The following IGF1R variants were observed in gnomAD, a reference collection of about 807,000 sequenced individuals.
The protein encoded by IGF1R is insulin like growth factor 1 receptor.
IGF1R carries 44 observed loss-of-function variants against 144.6 expected under a neutral mutation model. That is an observed-to-expected ratio of 0.30 (90% confidence interval 0.24 to 0.39). The LOEUF (loss-of-function observed/expected upper bound fraction) is 0.39, where lower values mean the gene tolerates loss of function less well. IGF1R is among the 10% of genes least tolerant of loss of function. The pLI is 1.00. For missense variants in IGF1R, 1,355 were observed against 1,833.7 expected, an observed-to-expected ratio of 0.74 and a Z score of 4.77; for synonymous variants, 795 against 722.8, an observed-to-expected ratio of 1.10 and a Z score of -1.60.
At position 98,913,170 on chromosome 15, in the gene IGF1R, G is replaced by A. The variant is rs1405874779; in HGVS notation, c.1716G>A (p.Lys572=). 4 of 1,614,106 alleles carry A rather than the reference G, an allele frequency of 2.5e-6. No individual in the cohort carries two copies. Among genetic ancestry groups the A allele is most frequent in the Non-Finnish European group, 3.4e-6 (4 of 1,180,050 alleles). Residue 572 remains lysine, a synonymous_variant, in exon 8 of 21, where the codon AAG becomes AAA. Transcript: ENST00000650285. ...CCGGCATCTTACTACATGGGCTGAA[G>A]CCCTGGACTCAGTACGCCGTTTACG... The part of the protein sequence containing the change: ...VEPGILLHGL[K]PWTQYAVYVK...
intron 2 of IGF1R, among the ~76,000 whole-genome samples, chr15:98,836,140 A>G (rs146922391): frequency 6.2e-4 from 95 of 152,160 alleles, no homozygotes; most frequent in African/African-American, 2.2e-3. Context: ...GCAACTTTGT[A>G]GTGAGGATGA....
chr15:98,832,017 T>G, intron 2 of IGF1R, among the ~76,000 whole-genome samples: 1 of 152,072 alleles, frequency 6.6e-6, no homozygotes, highest in East Asian at 1.9e-4. Flanking sequence ...TGAGGCTGCT[T>G]CAGCATGTCA....
intron 2 of IGF1R, among the ~76,000 whole-genome samples, chr15:98,758,871 G>C (rs1342565248): frequency 6.6e-6 from 1 of 152,196 alleles, no homozygotes; most frequent in Admixed American, 6.5e-5. Flanking sequence ...CTATATTTGT[G>C]TACATTTTTC....
intron 2 of IGF1R, among the ~76,000 whole-genome samples, chr15:98,733,073 C>T (rs186117822): frequency 5.6e-4 from 86 of 152,252 alleles, no homozygotes; most frequent in Admixed American, 2.3e-3. Context: ...AAGATGTCTA[C>T]GTGTGGGTGA....
chr15:98,821,041 C>T (rs1377357425), intron 2 of IGF1R: 2 of 152,124 alleles, frequency 1.3e-5, no homozygotes, highest in Non-Finnish European at 1.5e-5. Context: ...TATGTAAATG[C>T]TGATGCCGAA....
intron 2 of IGF1R, among the ~76,000 whole-genome samples, chr15:98,775,120 T>A (rs1014794027): frequency 2.6e-5 from 4 of 152,112 alleles, no homozygotes; most frequent in African/African-American, 9.7e-5. Context: ...TCCATGTGTA[T>A]CAAGCCATTG....
At chr15:98,719,704 A>G (rs2054202497) in intron 2 of IGF1R, among the ~76,000 whole-genome samples, 1 of 152,146 alleles carries the variant, frequency 6.6e-6, no homozygotes, top group African/African-American at 2.4e-5. Flanking sequence ...TCTTCTGCTC[A>G]TTGTGATGCA....
chr15:98,780,936 C>T (rs575927564), intron 2 of IGF1R, among the ~76,000 whole-genome samples: 124 of 152,240 alleles, frequency 8.1e-4, no homozygotes, highest in African/African-American at 2.9e-3. Flanking sequence ...GGCAACATGG[C>T]AAGCTTTGTC....
Position 98,707,808 on chromosome 15 carries a change from A to G in IGF1R, c.341A>G (p.Asn114Ser). 1.9e-6 allele frequency: 3 copies of G among 1,614,156 alleles called. No homozygotes were observed. Among genetic ancestry groups the G allele is most frequent in the Non-Finnish European group, 2.5e-6 (3 of 1,180,020 alleles). Residue 114 changes from asparagine (N) to serine (S), a missense_variant, in exon 2 of 21, where the codon AAC (asparagine) becomes AGC (serine). This residue lies in a region of IGF1R where 75 missense variants were observed against 160.0 expected (regional missense o/e 0.47). Coordinates refer to ENST00000650285, the MANE Select transcript of IGF1R (RefSeq NM_000875.5). This position sits in a 1 kb window ranked among gnomAD's most constrained non-coding sequence, Gnocchi z 6.7. ...TVIRGWKLFY[N>S]YALVIFEMTN... ...ATCCGCGGCTGGAAACTCTTCTACA[A>G]CTACGCCCTGGTCATCTTCGAGATG...
At chr15:98,801,597 C>T (rs2056365154) in intron 2 of IGF1R, among the ~76,000 whole-genome samples, 2 of 152,334 alleles carry the variant, frequency 1.3e-5, no homozygotes, top group South Asian at 4.1e-4. Flanking sequence ...GTCTGTGCCA[C>T]CCTCAAACAA....
At chr15:98,902,046 T>G (rs2014505996) in intron 5 of IGF1R, among the ~76,000 whole-genome samples, 2 of 152,220 alleles carry the variant, frequency 1.3e-5, no homozygotes, top group South Asian at 4.1e-4. Context: ...TATTTCGGTG[T>G]GCTTTTGGTT....
At chr15:98,887,553 T>A (rs1329367431) in intron 2 of IGF1R, among the ~76,000 whole-genome samples, 1 of 152,188 alleles carries the variant, frequency 6.6e-6, no homozygotes, top group Non-Finnish European at 1.5e-5. Flanking sequence ...CCAGTTAGTG[T>A]CTGATGATGA....
intron 2 of IGF1R, among the ~76,000 whole-genome samples, chr15:98,757,969 C>G (rs2055196465): frequency 6.6e-6 from 1 of 152,158 alleles, no homozygotes; most frequent in Non-Finnish European, 1.5e-5. Context: ...GTATTTTTCT[C>G]CTGAAATAGG....
At chr15:98,655,304 G>A (rs1355777655) in intron 1 of IGF1R, among the ~76,000 whole-genome samples, 1 of 152,140 alleles carries the variant, frequency 6.6e-6, no homozygotes, top group Non-Finnish European at 1.5e-5. Flanking sequence ...CAATACCTTT[G>A]ATTTTGAGAC....
At chr15:98,937,074 C>A (rs898806762) in intron 17 of IGF1R, among the ~76,000 whole-genome samples, 2 of 152,016 alleles carry the variant, frequency 1.3e-5, no homozygotes, top group African/African-American at 4.8e-5. Context: ...TTAGTAGAGA[C>A]GGGGTTTCAC....
intron 1 of IGF1R, among the ~76,000 whole-genome samples, chr15:98,705,802 C>T (rs1417373449): frequency 6.6e-6 from 1 of 152,202 alleles, no homozygotes; most frequent in African/African-American, 2.4e-5. Flanking sequence ...TTCTCTCCCG[C>T]TCAGGAGCCT....
intron 2 of IGF1R, among the ~76,000 whole-genome samples, chr15:98,814,488 A>G (rs994129587): frequency 5.3e-5 from 8 of 152,154 alleles, no homozygotes; most frequent in African/African-American, 1.9e-4. Context: ...GGACTACTAC[A>G]GGTATGTGCC....
chr15:98,648,559 G>A lies in IGF1R; in HGVS notation c.-1023G>A, dbSNP rs943849557. 1.4e-5 allele frequency among the ~76,000 whole-genome samples: 2 copies of A among 146,100 alleles called. No homozygotes were observed. Among genetic ancestry groups the A allele is most frequent in the East Asian group, 4.0e-4 (2 of 4,984 alleles). On this transcript the variant is annotated 5_prime_UTR_variant, in exon 1 of 21. Coordinates refer to ENST00000650285, the MANE Select transcript of IGF1R (RefSeq NM_000875.5). Reference sequence around the variant, plus strand: ...CCCCCAGTGTGTGGCAGCGGCGGCGGCGGCGCGGCGAGGCTGGGGCTCTTG... The same window carrying A: ...CCCCCAGTGTGTGGCAGCGGCGGCGACGGCGCGGCGAGGCTGGGGCTCTTG...
intron 1 of IGF1R, among the ~76,000 whole-genome samples, chr15:98,662,988 G>T (rs535038505): frequency 6.6e-6 from 1 of 152,196 alleles, no homozygotes; most frequent in Non-Finnish European, 1.5e-5. Context: ...GGCTGCTCTG[G>T]TCTCTCGATG....
Sources: gnomAD v4.1 joint callset for allele counts (sites outside exome capture counted in the v4.1 genomes callset) on GRCh38, gnomAD v4.1.1 for gene constraint, gnomAD v4.1.1 regional missense constraint, Gnocchi (gnomAD v3.1) non-coding constraint, MANE v1.5 for transcripts, NCBI Gene and HGNC (gene_info 2026-07-23, HGNC 2026-07-21) for gene names.